Variants in RELN observed in about 807,000 individuals in gnomAD.
RELN encodes reelin.
A neutral mutation model predicts 427.6 loss-of-function variants in RELN; 108 were observed. That is an observed-to-expected ratio of 0.25 (90% CI 0.22 to 0.30). The LOEUF is 0.30. Ranked by LOEUF, RELN falls within the 10% of genes least tolerant of loss-of-function variation. The pLI is 1.00. For missense variants in RELN, 3,715 were observed against 4,302.8 expected, an observed-to-expected ratio of 0.86 and a Z score of 3.82; for synonymous variants, 1,524 against 1,513.4, an observed-to-expected ratio of 1.01 and a Z score of -0.16.
At chr7:103,888,679 T>C (rs1233241038) in intron 2 of RELN, among the ~76,000 whole-genome samples, 1 of 152,076 alleles carries the variant, frequency 6.6e-6, no homozygotes, top group East Asian at 1.9e-4. Context: ...CCCATCTCCA[T>C]CAAGGAAGCC....
intron 5 of RELN, among the ~76,000 whole-genome samples, chr7:103,750,059 A>G (rs959777843): frequency 1.3e-5 from 2 of 152,086 alleles, no homozygotes; most frequent in Admixed American, 6.5e-5. Flanking sequence ...GGCTCACTGC[A>G]ACCTTAGTCT....
At chr7:103,686,336 A>G (rs1196470614) in intron 10 of RELN, among the ~76,000 whole-genome samples, 1 of 152,204 alleles carries the variant, frequency 6.6e-6, no homozygotes, top group Admixed American at 6.6e-5. Context: ...AGACAATTCA[A>G]ATACAAAGTG....
intron 3 of RELN, among the ~76,000 whole-genome samples, chr7:103,811,801 AG>A (rs1792749811): frequency 2.0e-5 from 3 of 152,358 alleles, no homozygotes; most frequent in Admixed American, 2.0e-4. Context: ...AAACCAACAC[AG>A]ATTTTAAAAA....
At chr7:103,817,517 G>A (rs1792903926) in intron 3 of RELN, among the ~76,000 whole-genome samples, 1 of 152,202 alleles carries the variant, frequency 6.6e-6, no homozygotes, top group African/African-American at 2.4e-5. Flanking sequence ...AATGGTAAAA[G>A]TTGTTAATAT....
intron 3 of RELN, among the ~76,000 whole-genome samples, chr7:103,801,368 T>A (rs1283536756): frequency 6.6e-6 from 1 of 152,208 alleles, no homozygotes; most frequent in Non-Finnish European, 1.5e-5. Context: ...AAAGAAAATG[T>A]GGCACATATA....
chr7:103,832,131 C>T (rs942802308), intron 3 of RELN, among the ~76,000 whole-genome samples: 1 of 152,060 alleles, frequency 6.6e-6, no homozygotes, highest in Non-Finnish European at 1.5e-5. Context: ...CATAGAAACC[C>T]CAGACACTGA....
At chr7:103,674,446 T>G (rs1039706355) in intron 11 of RELN, among the ~76,000 whole-genome samples, 7 of 152,156 alleles carry the variant, frequency 4.6e-5, no homozygotes, top group African/African-American at 1.7e-4. Context: ...ATTTCGTGAT[T>G]TAGATTATTT....
chr7:103,852,568 AC>A (rs1318538049), intron 2 of RELN, among the ~76,000 whole-genome samples: 1 of 152,114 alleles, frequency 6.6e-6, no homozygotes, highest in Non-Finnish European at 1.5e-5. Flanking sequence ...TATTGCTAAA[AC>A]TTTTTAGGAG....
intron 2 of RELN, among the ~76,000 whole-genome samples, chr7:103,862,639 T>TATG (rs1794099748): frequency 6.6e-6 from 1 of 152,098 alleles, no homozygotes; most frequent in South Asian, 2.1e-4. Context: ...GTGCATGTCA[T>TATG]ATGATGGGTC....
chr7:103,562,979 C>T (rs1258488308), intron 34 of RELN, among the ~76,000 whole-genome samples: 3 of 152,170 alleles, frequency 2.0e-5, no homozygotes, highest in South Asian at 2.1e-4. Context: ...CTTTTTCTGG[C>T]TTCCTGGATT....
intron 28 of RELN, among the ~76,000 whole-genome samples, chr7:103,579,515 C>T (rs1456702523): frequency 1.3e-5 from 2 of 150,620 alleles, no homozygotes; most frequent in Non-Finnish European, 2.9e-5. Flanking sequence ...GGGAGCATCA[C>T]TTGAACCTGG....
At chr7:103,901,660 T>C (rs556242236) in intron 2 of RELN, among the ~76,000 whole-genome samples, 63 of 152,120 alleles carry the variant, frequency 4.1e-4, no homozygotes, top group African/African-American at 1.4e-3. Context: ...GGTCACATGT[T>C]GTATGTTTCC....
At chr7:103,916,986 T>G in intron 2 of RELN, 89 bp downstream of exon 2, 1 of 980,734 alleles carries the variant, frequency 1.0e-6, no homozygotes, top group Non-Finnish European at 1.7e-6. Flanking sequence ...GTAATAAAGG[T>G]CTAACACTGT....
chr7:103,662,535 TG>T (rs1201225838), intron 11 of RELN, among the ~76,000 whole-genome samples: 2 of 145,764 alleles, frequency 1.4e-5, no homozygotes, highest in African/African-American at 5.1e-5. Context: ...GGCTGGAGAA[TG>T]GTGTGAACCC....
At chr7:103,964,283 T>C (rs1004964011) in intron 1 of RELN, among the ~76,000 whole-genome samples, 22 of 152,196 alleles carry the variant, frequency 1.4e-4, no homozygotes, top group Non-Finnish European at 2.5e-4. Context: ...GAGTAAGTCA[T>C]TCCTTTTGTG....
intron 1 of RELN, among the ~76,000 whole-genome samples, chr7:103,924,196 G>A (rs1423899295): frequency 6.6e-6 from 1 of 152,078 alleles, no homozygotes; most frequent in Admixed American, 6.6e-5. Flanking sequence ...ATAGTCTCCT[G>A]GAGTATCCCC....
At chr7:103,957,654 C>T (rs188616022) in intron 1 of RELN, among the ~76,000 whole-genome samples, 2 of 152,274 alleles carry the variant, frequency 1.3e-5, no homozygotes, top group Admixed American at 6.5e-5. Context: ...TGCTCATCCC[C>T]CCTTGTGGCC....
intron 61 of RELN, 51 bp downstream of exon 61, chr7:103,486,146 T>C (rs1479949000): frequency 2.6e-6 from 4 of 1,531,264 alleles, no homozygotes; most frequent in Non-Finnish European, 3.6e-6. Context: ...GGACAATCAC[T>C]GGGCTTGTGA....
chr7:103,502,207 C>T (rs902050374), intron 52 of RELN, among the ~76,000 whole-genome samples: 5 of 152,146 alleles, frequency 3.3e-5, no homozygotes, highest in African/African-American at 1.2e-4. Context: ...TGATTTAATT[C>T]CTTAGTATGT....
Sources: allele counts gnomAD v4.1 joint callset (sites outside exome capture counted in the v4.1 genomes callset), GRCh38; gene constraint gnomAD v4.1.1; transcripts MANE v1.5; gene names NCBI Gene and HGNC (gene_info 2026-07-23, HGNC 2026-07-21).